GRID1: variants seen among roughly 807,000 people sequenced by gnomAD.
GRID1 encodes the protein glutamate receptor ionotropic, delta-1.
In GRID1, 28 loss-of-function variants were observed where a neutral mutation model predicts 98.0. That is an observed-to-expected ratio of 0.29 (90% CI 0.21 to 0.39). GRID1 has a LOEUF of 0.39. Ranked by LOEUF, GRID1 falls within the 10% of genes least tolerant of loss-of-function variation. GRID1 has a pLI of 1.00. For synonymous variants in GRID1, 553 were observed against 538.5 expected, an observed-to-expected ratio of 1.03 and a Z score of -0.37; for missense variants, 1,111 against 1,340.5, an observed-to-expected ratio of 0.83 and a Z score of 2.67.
At chr10:86,326,154 C>T (rs1443256446) in intron 2 of GRID1, among the ~76,000 whole-genome samples, 1 of 152,138 alleles carries the variant, frequency 6.6e-6, no homozygotes, top group African/African-American at 2.4e-5. Context: ...TCAATAAAAT[C>T]CCTGGGGATA....
chr10:85,912,962 T>A (rs1027113290), intron 5 of GRID1, among the ~76,000 whole-genome samples: 1 of 152,194 alleles, frequency 6.6e-6, no homozygotes, highest in South Asian at 2.1e-4. Flanking sequence ...ACAGGACTTT[T>A]GTGTTCAATT....
intron 12 of GRID1, among the ~76,000 whole-genome samples, chr10:85,718,667 C>T (rs954158189): frequency 1.3e-5 from 2 of 152,214 alleles, no homozygotes; most frequent in Admixed American, 6.5e-5. Flanking sequence ...GGACACAGGG[C>T]ACAAAGTCCC....
intron 12 of GRID1, among the ~76,000 whole-genome samples, chr10:85,716,374 A>T (rs1841639572): frequency 6.6e-6 from 1 of 152,054 alleles, no homozygotes; most frequent in African/African-American, 2.4e-5. Context: ...GAACACATGG[A>T]CACAGGAAGG....
chr10:85,918,647 C>T (rs890923559), intron 4 of GRID1, among the ~76,000 whole-genome samples: 1 of 152,208 alleles, frequency 6.6e-6, no homozygotes, highest in Non-Finnish European at 1.5e-5. Flanking sequence ...ATTGGAATTG[C>T]TCTATGCATC....
intron 4 of GRID1, among the ~76,000 whole-genome samples, chr10:86,024,488 G>A (rs1843090666): frequency 6.6e-6 from 1 of 152,120 alleles, no homozygotes; most frequent in Non-Finnish European, 1.5e-5. Flanking sequence ...AATAAGCTTG[G>A]CTAAATTTTC....
Position 85,769,353 on chromosome 10 carries a change from G to T in GRID1, c.1234-39739C>A, listed in dbSNP as rs570081297. On this transcript the variant is annotated intron_variant, in intron 8 of 15. Coordinates refer to ENST00000327946, the MANE Select transcript of GRID1 (RefSeq NM_017551.3). The stretch of plus-strand genomic sequence containing the variant: ...GATGGCAGGAGCTGGAGCCAAGATG[G>T]CTGAATAGGAACAGCTCCGGTCTAC... Among the ~76,000 whole-genome samples the T allele has an allele frequency of 3.2e-4, 48 of 152,322 alleles. No individual in the cohort carries two copies. In the South Asian group the frequency reaches 9.1e-3, roughly 29 times the overall value.
chr10:86,270,746 GTAAGAGGAATC>G (rs1231296538), intron 2 of GRID1, among the ~76,000 whole-genome samples: 1 of 151,990 alleles, frequency 6.6e-6, no homozygotes, highest in Non-Finnish European at 1.5e-5. Context: ...CCCAGCTAAA[GTAAGAGGAATC>G]TAGTTTGCCA....
chr10:85,743,105 G>GCGCC (rs774463906), intron 8 of GRID1, among the ~76,000 whole-genome samples: 7 of 82,672 alleles, frequency 8.5e-5, no homozygotes, highest in Non-Finnish European at 1.5e-4. Flanking sequence ...GAATTATGCA[G>GCGCC]CCCCCCCCCC....
chr10:86,058,264 G>T (rs1432871404), intron 4 of GRID1, among the ~76,000 whole-genome samples: 1 of 152,136 alleles, frequency 6.6e-6, no homozygotes, highest in African/African-American at 2.4e-5. Flanking sequence ...TAGAAGCAAG[G>T]TAGAACTCAG....
At chr10:86,210,247 G>C (rs1031083411) in intron 2 of GRID1, among the ~76,000 whole-genome samples, 1 of 152,136 alleles carries the variant, frequency 6.6e-6, no homozygotes, top group Non-Finnish European at 1.5e-5. Flanking sequence ...CATATAGCCG[G>C]GCTGAACCCT....
intron 2 of GRID1, among the ~76,000 whole-genome samples, chr10:86,288,820 G>A: frequency 6.6e-6 from 1 of 152,220 alleles, no homozygotes; most frequent in Non-Finnish European, 1.5e-5. Flanking sequence ...GGCTATGCCA[G>A]CCTCATGAAC....
chr10:85,855,920 G>A, intron 7 of GRID1, 109 bp downstream of exon 7: 1 of 914,948 alleles, frequency 1.1e-6, no homozygotes, highest in Admixed American at 2.0e-5. Flanking sequence ...GGGCCTACTG[G>A]GGCAGCCACA....
Position 86,287,124 on chromosome 10 carries a change from C to T in GRID1, c.235+76817G>A, listed in dbSNP as rs144953150. On this transcript the variant is annotated intron_variant, in intron 2 of 15. Coordinates refer to ENST00000327946, the MANE Select transcript of GRID1 (RefSeq NM_017551.3). ...GATGCACAGGACAGCTCTGGAGGCA[C>T]GGAAGTAGATGGAATGCCTGGGCAC... Among the ~76,000 whole-genome samples the T allele has an allele frequency of 4.3e-3, 658 of 152,224 alleles. 6 individuals carry two copies. The highest frequency in any genetic ancestry group is 0.015 in the African/African-American group (623 of 41,528).
chr10:85,734,342 A>T (rs1267116032), intron 8 of GRID1, among the ~76,000 whole-genome samples: 2 of 152,198 alleles, frequency 1.3e-5, no homozygotes, highest in African/African-American at 4.8e-5. Flanking sequence ...AGCAGCTTCA[A>T]ATCATTTTAG....
intron 4 of GRID1, among the ~76,000 whole-genome samples, chr10:85,995,516 G>A (rs1409776467): frequency 6.6e-6 from 1 of 152,218 alleles, no homozygotes; most frequent in African/African-American, 2.4e-5. Flanking sequence ...TAGGTGTAAT[G>A]GAGTAAGAGC....
chr10:85,826,544 C>A (rs1038850325), intron 8 of GRID1, among the ~76,000 whole-genome samples: 4 of 152,058 alleles, frequency 2.6e-5, no homozygotes, highest in Non-Finnish European at 5.9e-5. Context: ...AAGCATGTGC[C>A]GGAATGCTGT....
rs78275129 is a variant in GRID1 at position 85,631,751 on chromosome 10, T to C, written c.2194-11718A>G. Among the ~76,000 whole-genome samples, 684 of 152,204 alleles carry C rather than the reference T, an allele frequency of 4.5e-3. 9 individuals are homozygous for C. Among genetic ancestry groups the C allele is most frequent in the African/African-American group, 0.016 (654 of 41,524 alleles). ...CAATAATCTAATCTGAGTTATTCCATGGGAAAAATTAAGAATGACCTAAAA... is the reference window on the plus strand; with the variant it reads ...CAATAATCTAATCTGAGTTATTCCACGGGAAAAATTAAGAATGACCTAAAA... On this transcript the variant is annotated intron_variant, in intron 13 of 15. Coordinates refer to ENST00000327946, the MANE Select transcript of GRID1 (RefSeq NM_017551.3).
intron 4 of GRID1, among the ~76,000 whole-genome samples, chr10:86,022,043 T>C (rs1843056592): frequency 6.6e-6 from 1 of 152,220 alleles, no homozygotes; most frequent in Non-Finnish European, 1.5e-5. Context: ...ACATTTTACT[T>C]AGCCCAATAT....
chr10:85,883,492 G>GTCTC (rs1208463812), intron 5 of GRID1, among the ~76,000 whole-genome samples: 2 of 133,320 alleles, frequency 1.5e-5, no homozygotes, highest in Admixed American at 7.3e-5. Flanking sequence ...TTCTCTCTCT[G>GTCTC]TCTCTCTCTC....
Sources: allele counts gnomAD v4.1 joint callset (sites outside exome capture counted in the v4.1 genomes callset), GRCh38; gene constraint gnomAD v4.1.1; transcripts MANE v1.5; gene names NCBI Gene and HGNC (gene_info 2026-07-23, HGNC 2026-07-21).